NKAIN3: variants seen among roughly 807,000 people sequenced by gnomAD.
The protein encoded by NKAIN3 is sodium/potassium-transporting ATPase subunit beta-1-interacting protein 3.
NKAIN3 carries 25 observed loss-of-function variants against 30.2 expected under a neutral mutation model. The ratio of observed to expected loss-of-function variants is 0.83; its 90% CI spans 0.60 to 1.16. NKAIN3 has a LOEUF of 1.16. Among genes scored for constraint, NKAIN3 ranks in the 50% most tolerant of loss-of-function variants. The pLI, the probability that NKAIN3 is intolerant of heterozygous loss-of-function variation, is 0.00. For missense variants in NKAIN3, 225 were observed against 254.1 expected (o/e 0.89, Z 0.78); for synonymous variants, 91 against 89.6 (o/e 1.02, Z -0.09).
chr8:62,870,474 T>A, intron 4 of NKAIN3, among the ~76,000 whole-genome samples: 1 of 136,790 alleles, frequency 7.3e-6, no homozygotes, highest in East Asian at 2.0e-4. Flanking sequence ...ACATATATAT[T>A]GTATATAATG....
At chr8:62,715,585 G>T (rs1814870306) in intron 3 of NKAIN3, among the ~76,000 whole-genome samples, 1 of 152,178 alleles carries the variant, frequency 6.6e-6, no homozygotes, top group African/African-American at 2.4e-5. Flanking sequence ...TATGCTGTCG[G>T]TGTTGTGAGG....
chr8:62,272,768 A>G (rs555599729), intron 1 of NKAIN3, among the ~76,000 whole-genome samples: 3 of 152,310 alleles, frequency 2.0e-5, no homozygotes, highest in Admixed American at 1.3e-4. Context: ...GCCAAGTGGT[A>G]TAAATAACAC....
At position 62,285,562 on chromosome 8, in the gene NKAIN3, C is replaced by T. The variant is rs144507395; in HGVS notation, c.54+36435C>T. Among the ~76,000 whole-genome samples, 938 of 152,174 alleles carry T rather than the reference C, an allele frequency of 6.2e-3. 11 individuals are homozygous for T. Among genetic ancestry groups the T allele is most frequent in the African/African-American group, 0.021 (893 of 41,538 alleles). ...GTTCTGATCTCTCCTCTTCTGCTCCCAGTGGGGCTCTGAGTTAGACTTCAG... is the reference window on the plus strand; with the variant it reads ...GTTCTGATCTCTCCTCTTCTGCTCCTAGTGGGGCTCTGAGTTAGACTTCAG... On this transcript the variant is annotated intron_variant, in intron 1 of 6. Coordinates refer to ENST00000623646, the MANE Select transcript of NKAIN3 (RefSeq NM_001304533.3).
At chr8:62,665,968 C>G (rs1395367402) in intron 3 of NKAIN3, among the ~76,000 whole-genome samples, 1 of 152,120 alleles carries the variant, frequency 6.6e-6, no homozygotes, top group East Asian at 1.9e-4. Flanking sequence ...GTAATCCCAC[C>G]AGTTTGGGAG....
In NKAIN3 at chr8:62,789,557, G is replaced by C. The variant is rs142896779; in HGVS notation, c.471+42428G>C. ...TCCTGCCTGATTGCCCTGGCCAGAA[G>C]TTCCAACACTATGTTGAATAGGAGT... On this transcript the variant is annotated intron_variant, in intron 4 of 6. Coordinates refer to ENST00000623646, the MANE Select transcript of NKAIN3 (RefSeq NM_001304533.3). Among the ~76,000 whole-genome samples the C allele has an allele frequency of 3.0e-3, 462 of 151,918 alleles. 2 individuals are homozygous for C. Among genetic ancestry groups the C allele is most frequent in the Middle Eastern group, 6.8e-3 (2 of 294 alleles).
At chr8:62,813,515 T>A (rs1288915259) in intron 4 of NKAIN3, among the ~76,000 whole-genome samples, 6 of 133,892 alleles carry the variant, frequency 4.5e-5, no homozygotes, top group Non-Finnish European at 9.9e-5. Flanking sequence ...TTTTTTTTTA[T>A]TAATCCATTT....
At chr8:62,852,406 T>A (rs1297116869) in intron 4 of NKAIN3, among the ~76,000 whole-genome samples, 1 of 152,198 alleles carries the variant, frequency 6.6e-6, no homozygotes, top group Non-Finnish European at 1.5e-5. Flanking sequence ...AAAAACCAGC[T>A]CCTGGATTCA....
chr8:62,749,239 A>G (rs1414225628), intron 4 of NKAIN3, among the ~76,000 whole-genome samples: 1 of 152,208 alleles, frequency 6.6e-6, no homozygotes, highest in Non-Finnish European at 1.5e-5. Flanking sequence ...TCATTTCCCC[A>G]TAGTAACTCC....
rs573660808 is a variant in NKAIN3 at position 62,697,636 on chromosome 8, C to G, written c.274-49296C>G. 3.3e-5 allele frequency among the ~76,000 whole-genome samples: 5 copies of G among 152,246 alleles called. No individual in the cohort carries two copies. In the South Asian group the frequency reaches 6.2e-4, roughly 19 times the overall value. On this transcript the variant is annotated intron_variant, in intron 3 of 6. Coordinates refer to ENST00000623646, the MANE Select transcript of NKAIN3 (RefSeq NM_001304533.3). ...AATCTCCCAACTTCTAGAACATATG[C>G]TCTTGATGGGCAAGGGTCTTTGTCT... is the stretch of plus-strand genomic sequence containing the variant.
chr8:62,628,184 A>G (rs1811846854), intron 3 of NKAIN3, among the ~76,000 whole-genome samples: 3 of 152,148 alleles, frequency 2.0e-5, no homozygotes, highest in African/African-American at 7.2e-5. Context: ...GCCATCTTGC[A>G]CATCAGCTTT....
rs545167849 is a variant in NKAIN3, at chr8:62,936,122, C to T, written c.532+17609C>T. Among the ~76,000 whole-genome samples, 36 of 152,200 alleles carry T rather than the reference C, an allele frequency of 2.4e-4. 2 individuals are homozygous for T. Among genetic ancestry groups the T allele is most frequent in the Middle Eastern group, 6.8e-3 (2 of 294 alleles). ...GTAACCACCGCTATTTCCCAAAGAC[C>T]GGACTTAATGCTTCTTCCTCATGGT... is the stretch of plus-strand genomic sequence containing the variant. On this transcript the variant is annotated intron_variant, in intron 5 of 6. Coordinates refer to ENST00000623646, the MANE Select transcript of NKAIN3 (RefSeq NM_001304533.3).
chr8:62,505,058 A>G (rs1807587014), intron 1 of NKAIN3, among the ~76,000 whole-genome samples: 1 of 152,206 alleles, frequency 6.6e-6, no homozygotes, highest in Non-Finnish European at 1.5e-5. Flanking sequence ...CTTTGAAATC[A>G]GACTAGATAA....
At chr8:62,392,235 C>T (rs142313628) in intron 1 of NKAIN3, among the ~76,000 whole-genome samples, 50 of 152,114 alleles carry the variant, frequency 3.3e-4, no homozygotes, top group African/African-American at 1.1e-3. Context: ...TTGGCAATCA[C>T]TTGGCTTCAC....
Position 62,973,070 on chromosome 8 carries a change from A to G in NKAIN3, c.*7663A>G, listed in dbSNP as rs969144008. On this transcript the variant is annotated 3_prime_UTR_variant, in exon 7 of 7. Coordinates refer to ENST00000623646, the MANE Select transcript of NKAIN3 (RefSeq NM_001304533.3). Reference sequence around the variant, plus strand: ...CCACATTTTCTTTATCCGTTCTAACATTGATGGGCATTTGGGTTGGTTCCA... The same window carrying G: ...CCACATTTTCTTTATCCGTTCTAACGTTGATGGGCATTTGGGTTGGTTCCA... 2.0e-5 allele frequency among the ~76,000 whole-genome samples: 3 copies of G among 152,196 alleles called. No individual in the cohort carries two copies. Among genetic ancestry groups the G allele is most frequent in the Non-Finnish European group, 4.4e-5 (3 of 68,044 alleles).
intron 3 of NKAIN3, among the ~76,000 whole-genome samples, chr8:62,674,625 C>T (rs1416246310): frequency 3.3e-5 from 5 of 152,138 alleles, no homozygotes; most frequent in Non-Finnish European, 7.3e-5. Context: ...TTTCTGGTGC[C>T]TGGCTATAAA....
intron 1 of NKAIN3, among the ~76,000 whole-genome samples, chr8:62,501,439 A>T (rs374554798): frequency 6.6e-6 from 1 of 151,806 alleles, no homozygotes; most frequent in Admixed American, 6.6e-5. Context: ...GCTATGTTTC[A>T]TTTGCTTTCT....
chr8:62,610,001 A>T (rs181898140), intron 3 of NKAIN3, among the ~76,000 whole-genome samples: 241 of 152,184 alleles, frequency 1.6e-3, no homozygotes, highest in Non-Finnish European at 7.9e-4. Context: ...TGTGTAGGGG[A>T]CAAGAGTGAA....
At chr8:62,804,795 G>C (rs888161863) in intron 4 of NKAIN3, among the ~76,000 whole-genome samples, 1 of 152,108 alleles carries the variant, frequency 6.6e-6, no homozygotes, top group African/African-American at 2.4e-5. Context: ...TGGAAGTTCT[G>C]GCCAGGGCAA....
chr8:62,274,318 G>A (rs918388873), intron 1 of NKAIN3, among the ~76,000 whole-genome samples: 15 of 152,124 alleles, frequency 9.9e-5, no homozygotes, highest in African/African-American at 3.1e-4. Context: ...TACTGCCTGT[G>A]TTTCTGTTGT....
Sources: allele counts gnomAD v4.1 joint callset (sites outside exome capture counted in the v4.1 genomes callset), GRCh38; gene constraint gnomAD v4.1.1; transcripts MANE v1.5; gene names NCBI Gene and HGNC (gene_info 2026-07-23, HGNC 2026-07-21).